The following CHST11 variants were observed in gnomAD, a reference collection of about 807,000 sequenced individuals.
CHST11 encodes the protein carbohydrate sulfotransferase 11, also known as C4S-1.
A neutral mutation model predicts 30.4 loss-of-function variants in CHST11; 9 were observed. That is an observed-to-expected ratio of 0.30 (90% confidence interval 0.18 to 0.52). The LOEUF (loss-of-function observed/expected upper bound fraction) is 0.52. Ranked by LOEUF, CHST11 falls within the 20% of genes least tolerant of loss-of-function variation. The pLI is 0.97. For missense variants in CHST11, 348 were observed against 460.6 expected (o/e 0.76, Z 2.24); for synonymous variants, 152 against 187.8 (o/e 0.81, Z 1.56).
chr12:104,621,089 T>C (rs1375774247), intron 2 of CHST11, among the ~76,000 whole-genome samples: 2 of 152,234 alleles, frequency 1.3e-5, no homozygotes, highest in African/African-American at 2.4e-5. Context: ...TTGCTAAATA[T>C]CATTGTCCAA....
At chr12:104,633,150 T>C (rs748285408) in intron 2 of CHST11, among the ~76,000 whole-genome samples, 6 of 152,194 alleles carry the variant, frequency 3.9e-5, no homozygotes, top group Non-Finnish European at 8.8e-5. Context: ...TTTGATGTTG[T>C]GCTCTCTTCT....
rs1044939620 is a variant in CHST11 at position 104,458,819 on chromosome 12, C to T, written c.118+1290C>T. The stretch of plus-strand genomic sequence containing the variant: ...GTTGGTGTTTTTCATTTTTGCCTCC[C>T]GCCTTCTCCTTTCACTGTGTATCTA... On this transcript the variant is annotated intron_variant, in intron 1 of 2. Transcript: ENST00000303694. This position sits in a 1 kb window ranked among gnomAD's most constrained non-coding sequence, Gnocchi z 5.7. Among the ~76,000 whole-genome samples, 1 of 152,232 alleles carries T rather than the reference C, an allele frequency of 6.6e-6. No individual in the cohort carries two copies. The highest frequency in any genetic ancestry group is 2.4e-5 in the African/African-American group (1 of 41,452).
intron 2 of CHST11, among the ~76,000 whole-genome samples, chr12:104,705,017 A>G (rs1258699857): frequency 1.3e-5 from 2 of 152,200 alleles, no homozygotes; most frequent in African/African-American, 2.4e-5. Flanking sequence ...GACATTTTTT[A>G]TGAATAATAT....
At chr12:104,660,423 T>C (rs1463232408) in intron 2 of CHST11, among the ~76,000 whole-genome samples, 1 of 152,224 alleles carries the variant, frequency 6.6e-6, no homozygotes, top group East Asian at 1.9e-4. Flanking sequence ...GCCACCGTCT[T>C]GCTCTTCAGC....
intron 1 of CHST11, among the ~76,000 whole-genome samples, chr12:104,558,195 C>T (rs1030277768): frequency 6.6e-6 from 1 of 152,042 alleles, no homozygotes; most frequent in Non-Finnish European, 1.5e-5. Context: ...GAAGAGCTGA[C>T]GCTGTCCCTG....
chr12:104,494,964 A>G (rs1283929357), intron 1 of CHST11, among the ~76,000 whole-genome samples: 2 of 152,182 alleles, frequency 1.3e-5, no homozygotes, highest in African/African-American at 2.4e-5. Context: ...TAAGCAAACA[A>G]CAACTCCCCA....
At chr12:104,736,871 A>G (rs936940545) in intron 2 of CHST11, among the ~76,000 whole-genome samples, 7 of 152,216 alleles carry the variant, frequency 4.6e-5, no homozygotes, top group African/African-American at 9.6e-5. Context: ...TTTTGAAAGC[A>G]TAGGAGAAAT....
intron 2 of CHST11, among the ~76,000 whole-genome samples, chr12:104,685,972 A>G (rs1045016414): frequency 3.9e-5 from 6 of 152,164 alleles, no homozygotes; most frequent in East Asian, 1.9e-4. Context: ...TACACCAATA[A>G]TCACAACACT....
rs1555250374 is a variant in CHST11, at chr12:104,756,532, G to GGGGTGTGTGTGT, written c.205-416_205-415insGGTGTGTGTGTG. ...CATCATGAGGTCTGGATCCATGTGG[G>GGGGTGTGTGTGT]GTGTGTGTGTGTGTGTGTGTGTGTG... On this transcript the variant is annotated intron_variant, in intron 2 of 2. Transcript: ENST00000303694. Among the ~76,000 whole-genome samples the GGGGTGTGTGTGT allele has an allele frequency of 2.4e-3, 346 of 143,394 alleles. 3 individuals are homozygous for GGGGTGTGTGTGT. Among genetic ancestry groups the GGGGTGTGTGTGT allele is most frequent in the East Asian group, 0.014 (70 of 4,838 alleles). 94.1% of individuals were successfully genotyped at this position (143,394 alleles called of 152,430 possible).
intron 1 of CHST11, among the ~76,000 whole-genome samples, chr12:104,491,678 A>G (rs1259495939): frequency 1.3e-5 from 2 of 151,924 alleles, no homozygotes; most frequent in African/African-American, 2.4e-5. Flanking sequence ...GTGTCTTGCT[A>G]TGTTCCCAGG....
intron 2 of CHST11, among the ~76,000 whole-genome samples, chr12:104,656,983 C>T (rs1221655659): frequency 1.3e-5 from 2 of 151,016 alleles, no homozygotes; most frequent in East Asian, 3.9e-4. Context: ...GAAAGACCTT[C>T]AGGCATCGTC....
At chr12:104,627,008 CT>C (rs998787651) in intron 2 of CHST11, among the ~76,000 whole-genome samples, 2 of 152,178 alleles carry the variant, frequency 1.3e-5, no homozygotes, top group African/African-American at 4.8e-5. Context: ...CCATCCCTCC[CT>C]CCCCCCAAGC....
chr12:104,718,627 T>C (rs533072556), intron 2 of CHST11, among the ~76,000 whole-genome samples: 1 of 152,318 alleles, frequency 6.6e-6, no homozygotes, highest in African/African-American at 2.4e-5. Flanking sequence ...TTGTTTGTAG[T>C]TCCCCAGGCC....
Position 104,489,116 on chromosome 12 carries a change from A to C in CHST11, c.118+31587A>C, listed in dbSNP as rs540988438. Among the ~76,000 whole-genome samples the C allele has an allele frequency of 3.3e-5, 5 of 151,996 alleles. No homozygotes were observed. The South Asian group carries it at 1.0e-3, about 32-fold the overall frequency. On this transcript the variant is annotated intron_variant, in intron 1 of 2. Coordinates refer to ENST00000303694, the MANE Select transcript of CHST11 (RefSeq NM_018413.6). ...CAATGGCATGATCTTGGCTCACTGCAACCTCCACCTCCCAAGTTCAAGTGA... is the reference window on the plus strand; with the variant it reads ...CAATGGCATGATCTTGGCTCACTGCCACCTCCACCTCCCAAGTTCAAGTGA...
At chr12:104,645,874 T>G (rs1282633536) in intron 2 of CHST11, among the ~76,000 whole-genome samples, 2 of 152,238 alleles carry the variant, frequency 1.3e-5, no homozygotes, top group Admixed American at 1.3e-4. Flanking sequence ...TGGCTCCCAG[T>G]GGGGCCATCA....
chr12:104,715,086 C>T (rs866458718), intron 2 of CHST11, among the ~76,000 whole-genome samples: 34 of 152,150 alleles, frequency 2.2e-4, no homozygotes, highest in African/African-American at 8.0e-4. Context: ...AAAGACAGGC[C>T]GGGCATGGTG....
intron 1 of CHST11, 93 bp from the exon 2 acceptor site, chr12:104,601,813 C>T (rs2038959580): frequency 1.0e-6 from 1 of 964,380 alleles, no homozygotes; most frequent in Non-Finnish European, 1.6e-6. Flanking sequence ...TTCTTTCCTG[C>T]CTGTTTCTTC....
chr12:104,525,827 C>T (rs537471348), intron 1 of CHST11, among the ~76,000 whole-genome samples: 3 of 150,616 alleles, frequency 2.0e-5, no homozygotes, highest in South Asian at 2.1e-4. Context: ...CCTGAGAAAT[C>T]GTAAGGTTTC....
At chr12:104,518,347 G>A (rs1476161453) in intron 1 of CHST11, among the ~76,000 whole-genome samples, 2 of 152,126 alleles carry the variant, frequency 1.3e-5, no homozygotes, top group Non-Finnish European at 1.5e-5. Context: ...AGGAGCGCGT[G>A]AGTAGGAAGG....
Sources: allele counts gnomAD v4.1 joint callset (sites outside exome capture counted in the v4.1 genomes callset), GRCh38; gene constraint gnomAD v4.1.1; non-coding constraint Gnocchi (gnomAD v3.1); transcripts MANE v1.5; gene names NCBI Gene and HGNC (gene_info 2026-07-23, HGNC 2026-07-21).